Variants in PPP3CA observed in about 807,000 individuals in gnomAD.
PPP3CA encodes CAM-PRP catalytic subunit.
In PPP3CA, 14 loss-of-function variants were observed where a neutral mutation model predicts 66.5. That is an observed-to-expected ratio of 0.21 (90% CI 0.14 to 0.33). The LOEUF (loss-of-function observed/expected upper bound fraction) is 0.33. Ranked by LOEUF, PPP3CA falls within the 10% of genes least tolerant of loss-of-function variation. The pLI, the probability that PPP3CA is intolerant of heterozygous loss-of-function variation, is 1.00. For missense variants in PPP3CA, 317 were observed against 639.5 expected (o/e 0.50, Z 5.44); for synonymous variants, 232 against 226.2 (o/e 1.03, Z -0.23).
chr4:101,285,165 C>T (rs932624377), intron 1 of PPP3CA, among the ~76,000 whole-genome samples: 11 of 151,966 alleles, frequency 7.2e-5, no homozygotes, highest in African/African-American at 1.5e-4. Context: ...CACACAGCAC[C>T]GAGATTTTAC....
chr4:101,222,562 T>G (rs1203381497), intron 1 of PPP3CA, among the ~76,000 whole-genome samples: 1 of 151,648 alleles, frequency 6.6e-6, no homozygotes, highest in Non-Finnish European at 1.5e-5. Context: ...TTGCCCAACA[T>G]TACATATGGA....
At chr4:101,133,573 C>G (rs1722519256) in intron 2 of PPP3CA, among the ~76,000 whole-genome samples, 2 of 152,142 alleles carry the variant, frequency 1.3e-5, no homozygotes, top group Admixed American at 1.3e-4. Flanking sequence ...GAACTACAAA[C>G]CACTGCTCAA....
At chr4:101,133,101 A>C (rs1254218008) in intron 2 of PPP3CA, among the ~76,000 whole-genome samples, 1 of 152,188 alleles carries the variant, frequency 6.6e-6, no homozygotes, top group Non-Finnish European at 1.5e-5. Context: ...AACGTATCTC[A>C]AAGTAATAAG....
At chr4:101,228,145 A>C (rs1725842024) in intron 1 of PPP3CA, among the ~76,000 whole-genome samples, 1 of 151,754 alleles carries the variant, frequency 6.6e-6, no homozygotes, top group South Asian at 2.1e-4. Flanking sequence ...TAAGTAGACA[A>C]CAAATATTGA....
In PPP3CA at chr4:101,032,197, A is replaced by AAATC. The variant is rs548622190; in HGVS notation, c.1339+66_1339+69dup. 162 of 1,180,782 alleles carry AAATC rather than the reference A, an allele frequency of 1.4e-4. 1 individual carries two copies. In the African/African-American group the frequency reaches 2.2e-3, roughly 16 times the overall value. 73.1% of individuals were successfully genotyped at this position (1,180,782 alleles called of 1,614,324 possible). ...CAAGACAGAGCTTAAATGAATGAAT[A>AAATC]AATCAGGGCTCTAATGACACAGCTG... On this transcript the variant is annotated intron_variant, in intron 12 of 13. Transcript: ENST00000394854.
At chr4:101,206,980 T>C (rs1369956517) in intron 1 of PPP3CA, among the ~76,000 whole-genome samples, 1 of 152,060 alleles carries the variant, frequency 6.6e-6, no homozygotes, top group African/African-American at 2.4e-5. Flanking sequence ...TGGCGGCCCA[T>C]ATCAAAGAGT....
chr4:101,175,566 G>GA (rs1477371757), intron 2 of PPP3CA, among the ~76,000 whole-genome samples: 2 of 152,048 alleles, frequency 1.3e-5, no homozygotes, highest in South Asian at 2.1e-4. Context: ...GAATGTTGGT[G>GA]AAAAAAGGAG....
intron 1 of PPP3CA, among the ~76,000 whole-genome samples, chr4:101,324,346 C>A (rs1049815041): frequency 3.9e-5 from 6 of 152,082 alleles, no homozygotes; most frequent in Admixed American, 3.3e-4. Context: ...CAGACCACTC[C>A]ACCATATGCA....
chr4:101,079,380 T>TC (rs199876466), intron 8 of PPP3CA, among the ~76,000 whole-genome samples: 10 of 130,908 alleles, frequency 7.6e-5, no homozygotes, highest in African/African-American at 2.0e-4. Flanking sequence ...TCCATTTCTC[T>TC]TTTTTTTTTT....
intron 1 of PPP3CA, among the ~76,000 whole-genome samples, chr4:101,252,769 C>A (rs1726718430): frequency 6.6e-6 from 1 of 152,112 alleles, no homozygotes; most frequent in Non-Finnish European, 1.5e-5. Flanking sequence ...TACTTTTGGG[C>A]CTTGCCCTCT....
chr4:101,065,633 T>C (rs753944454), intron 8 of PPP3CA, among the ~76,000 whole-genome samples: 1 of 152,148 alleles, frequency 6.6e-6, no homozygotes, highest in Non-Finnish European at 1.5e-5. Context: ...TTATTTAAAC[T>C]CAGCTTTTTC....
At chr4:101,249,569 T>C (rs1726606834) in intron 1 of PPP3CA, among the ~76,000 whole-genome samples, 2 of 152,244 alleles carry the variant, frequency 1.3e-5, no homozygotes, top group Middle Eastern at 3.4e-3. Context: ...AGTTAATATT[T>C]TGTGAGGGTA....
At chr4:101,053,404 T>G (rs1442221327) in intron 10 of PPP3CA, among the ~76,000 whole-genome samples, 2 of 152,166 alleles carry the variant, frequency 1.3e-5, no homozygotes, top group Admixed American at 1.3e-4. Context: ...CTGGTTCTTG[T>G]GCTCTGTCAT....
At chr4:101,061,588 C>T (rs1301054504) in intron 9 of PPP3CA, among the ~76,000 whole-genome samples, 3 of 152,040 alleles carry the variant, frequency 2.0e-5, no homozygotes, top group South Asian at 2.1e-4. Context: ...GAGAACTTCA[C>T]GCCATTATAG....
intron 1 of PPP3CA, among the ~76,000 whole-genome samples, chr4:101,227,709 C>T (rs1725828179): frequency 6.6e-6 from 1 of 151,624 alleles, no homozygotes; most frequent in Non-Finnish European, 1.5e-5. Flanking sequence ...TTTCAATCCT[C>T]ACCCTCCTCC....
intron 1 of PPP3CA, among the ~76,000 whole-genome samples, chr4:101,236,848 T>C (rs1442506573): frequency 6.6e-6 from 1 of 151,748 alleles, no homozygotes; most frequent in Non-Finnish European, 1.5e-5. Context: ...ACAGTATTCT[T>C]TGAATCCCAA....
At chr4:101,230,547 C>A (rs1236432291) in intron 1 of PPP3CA, among the ~76,000 whole-genome samples, 1 of 151,334 alleles carries the variant, frequency 6.6e-6, no homozygotes, top group African/African-American at 2.4e-5. Flanking sequence ...AATAAACAAA[C>A]AAACTAAATA....
chr4:101,199,639 C>CCTTG (rs1181649525), intron 1 of PPP3CA, among the ~76,000 whole-genome samples: 1 of 152,178 alleles, frequency 6.6e-6, no homozygotes, highest in African/African-American at 2.4e-5. Flanking sequence ...ACATGTAAGT[C>CCTTG]CTTGACTGAC....
intron 1 of PPP3CA, among the ~76,000 whole-genome samples, chr4:101,226,751 C>T (rs749555894): frequency 6.6e-6 from 1 of 151,498 alleles, no homozygotes; most frequent in East Asian, 1.9e-4. Flanking sequence ...GTACAGACAT[C>T]CTATTTACAA....
Sources: allele counts gnomAD v4.1 joint callset (sites outside exome capture counted in the v4.1 genomes callset), GRCh38; gene constraint gnomAD v4.1.1; transcripts MANE v1.5; gene names NCBI Gene and HGNC (gene_info 2026-07-23, HGNC 2026-07-21).